Variants in FRMPD4 observed in about 807,000 individuals in gnomAD.
FRMPD4 encodes FERM and PDZ domain-containing protein 4.
FRMPD4 carries 22 observed loss-of-function variants against 94.1 expected under a neutral mutation model. That is an observed-to-expected ratio of 0.23 (90% CI 0.17 to 0.33). The LOEUF (loss-of-function observed/expected upper bound fraction) is 0.33, where lower values mean the gene tolerates loss of function less well. Ranked by LOEUF, FRMPD4 falls within the 10% of genes least tolerant of loss-of-function variation. FRMPD4 has a pLI of 1.00. For missense variants in FRMPD4, 1,111 were observed against 1,339.9 expected (o/e 0.83, Z 2.67); for synonymous variants, 631 against 548.6 (o/e 1.15, Z -2.10).
chrX:12,108,688 G>A (rs2055324396), intron 3 of FRMPD4, among the ~76,000 whole-genome samples: 1 of 111,716 alleles, frequency 9.0e-6, no homozygotes, highest in African/African-American at 3.3e-5. Flanking sequence ...CATCTCATGT[G>A]CAGAGACACA....
chrX:12,210,934 T>A (rs1420836079), intron 1 of FRMPD4, among the ~76,000 whole-genome samples: 6 of 112,603 alleles, frequency 5.3e-5, no homozygotes, highest in South Asian at 3.7e-4. Context: ...AGGCATTTTT[T>A]AAAAATCCCA....
At chrX:12,191,893 C>T (rs1215837717) in intron 1 of FRMPD4, among the ~76,000 whole-genome samples, 1 of 111,550 alleles carries the variant, frequency 9.0e-6, no homozygotes, top group Non-Finnish European at 1.9e-5. Flanking sequence ...AATGATGTGT[C>T]ACTGTAGGTA....
intron 1 of FRMPD4, among the ~76,000 whole-genome samples, chrX:12,285,348 C>T (rs2054585178): frequency 8.9e-6 from 1 of 112,051 alleles, no homozygotes; most frequent in South Asian, 3.8e-4. Flanking sequence ...ATCAACTCTA[C>T]AAATTTCTGA....
chrX:12,529,697 C>A (rs767935578), intron 2 of FRMPD4, among the ~76,000 whole-genome samples: 3 of 111,758 alleles, frequency 2.7e-5, no homozygotes, highest in African/African-American at 9.8e-5. Flanking sequence ...GATTCAAAAC[C>A]CAAATGAGAG....
intron 2 of FRMPD4, among the ~76,000 whole-genome samples, chrX:12,599,920 T>TAAG (rs34036444): frequency 0.16 from 18,229 of 110,630 alleles, 2,008 homozygotes; most frequent in African/African-American, 0.39. Flanking sequence ...AAATATATGT[T>TAAG]AAGAGGTGTT....
intron 2 of FRMPD4, among the ~76,000 whole-genome samples, chrX:12,561,125 A>C (rs957747188): frequency 9.0e-6 from 1 of 111,563 alleles, no homozygotes; most frequent in Non-Finnish European, 1.9e-5. Context: ...GAAATTTTGA[A>C]TGTTATTTAT....
intron 16 of FRMPD4, 131 bp from the exon 17 acceptor site, chrX:12,720,403 G>C: frequency 1.7e-6 from 1 of 580,195 alleles, no homozygotes; most frequent in South Asian, 3.2e-5. Context: ...AAAGCAGGGT[G>C]ACCTTAGCAT....
intron 1 of FRMPD4, among the ~76,000 whole-genome samples, chrX:12,263,790 A>G (rs779918325): frequency 9.6e-6 from 1 of 104,664 alleles, no homozygotes; most frequent in African/African-American, 3.5e-5. Context: ...GCATAACTTG[A>G]AAAAAAAAAA....
intron 3 of FRMPD4, among the ~76,000 whole-genome samples, chrX:12,066,986 C>T (rs754003901): frequency 9.1e-5 from 10 of 109,398 alleles, no homozygotes; most frequent in Non-Finnish European, 1.9e-4. Flanking sequence ...TCTCCTGCCT[C>T]AGCCTCCCAA....
chrX:12,070,291 T>C (rs2054956039), intron 3 of FRMPD4, among the ~76,000 whole-genome samples: 1 of 110,406 alleles, frequency 9.1e-6, no homozygotes, highest in Non-Finnish European at 1.9e-5. Context: ...TATGTTTTAA[T>C]AGAGAATTTT....
chrX:12,126,894 T>C (rs982815956), intron 3 of FRMPD4, among the ~76,000 whole-genome samples: 2 of 111,882 alleles, frequency 1.8e-5, no homozygotes, highest in African/African-American at 6.5e-5. Flanking sequence ...CTCCAGGTTC[T>C]CTTCCTCTCC....
intron 3 of FRMPD4, among the ~76,000 whole-genome samples, chrX:12,128,299 C>A (rs930275565): frequency 6.2e-5 from 7 of 112,635 alleles, no homozygotes; most frequent in African/African-American, 1.9e-4. Context: ...TTCTGTGTAC[C>A]CACAGGCTCA....
At chrX:12,038,799 A>C (rs2054734046) in intron 3 of FRMPD4, among the ~76,000 whole-genome samples, 1 of 111,836 alleles carries the variant, frequency 8.9e-6, no homozygotes, top group Non-Finnish European at 1.9e-5. Flanking sequence ...ATGTACACTC[A>C]TTCCTAATTT....
intron 1 of FRMPD4, among the ~76,000 whole-genome samples, chrX:12,405,945 T>C (rs761378662): frequency 1.8e-5 from 2 of 110,979 alleles, no homozygotes; most frequent in African/African-American, 6.6e-5. Context: ...ATGAGGAGAT[T>C]AGAAATACAT....
At chrX:12,142,005 A>G (rs2055698812) in intron 1 of FRMPD4, among the ~76,000 whole-genome samples, 1 of 111,908 alleles carries the variant, frequency 8.9e-6, no homozygotes, top group Non-Finnish European at 1.9e-5. Flanking sequence ...CTTTTGCCAG[A>G]GGGAGATGAT....
At chrX:12,054,497 A>AC (rs2054842322) in intron 3 of FRMPD4, among the ~76,000 whole-genome samples, 1 of 109,864 alleles carries the variant, frequency 9.1e-6, no homozygotes, top group African/African-American at 3.3e-5. Flanking sequence ...AACACCCCTG[A>AC]CCCCCCATTC....
chrX:12,204,123 G>A (rs1401018124), intron 1 of FRMPD4, among the ~76,000 whole-genome samples: 1 of 112,204 alleles, frequency 8.9e-6, no homozygotes. Flanking sequence ...GCTCTCAGGA[G>A]ACATCTTGTA....
intron 3 of FRMPD4, among the ~76,000 whole-genome samples, chrX:11,991,735 A>T (rs187649280): frequency 8.6e-4 from 97 of 112,317 alleles, no homozygotes; most frequent in Admixed American, 1.8e-3. Flanking sequence ...TTAGTTACCT[A>T]AAAACATTTA....
At chrX:12,353,232 G>A (rs916687251) in intron 1 of FRMPD4, among the ~76,000 whole-genome samples, 2 of 111,725 alleles carry the variant, frequency 1.8e-5, no homozygotes, top group African/African-American at 6.5e-5. Context: ...GTTCTCACTG[G>A]TAGTATCTGT....
Sources: gnomAD v4.1 joint callset for allele counts (sites outside exome capture counted in the v4.1 genomes callset) on GRCh38, gnomAD v4.1.1 for gene constraint, MANE v1.5 for transcripts, NCBI Gene and HGNC (gene_info 2026-07-23, HGNC 2026-07-21) for gene names.